Variants in GSK3B observed in about 807,000 individuals in gnomAD.
The protein encoded by GSK3B is glycogen synthase kinase 3 beta.
A neutral mutation model predicts 56.4 loss-of-function variants in GSK3B; 15 were observed. The observed-to-expected ratio is 0.27, with a 90% CI of 0.18 to 0.41. The LOEUF (loss-of-function observed/expected upper bound fraction) is 0.41, where lower values mean the gene tolerates loss of function less well. GSK3B is among the 10% of genes least tolerant of loss of function. The pLI is 1.00. For missense variants in GSK3B, 300 were observed against 513.4 expected (o/e 0.58, Z 4.02); for synonymous variants, 181 against 188.9 (o/e 0.96, Z 0.34).
intron 2 of GSK3B, among the ~76,000 whole-genome samples, chr3:119,949,519 G>A (rs1018703269): frequency 6.6e-6 from 1 of 152,114 alleles, no homozygotes; most frequent in East Asian, 1.9e-4. Context: ...ATCATTCTGA[G>A]TAAGGAGAGA....
intron 7 of GSK3B, among the ~76,000 whole-genome samples, chr3:119,898,001 A>G (rs1197783437): frequency 6.6e-6 from 1 of 152,124 alleles, no homozygotes; most frequent in Non-Finnish European, 1.5e-5. Context: ...ATGGGGTCAT[A>G]TCATGGCAAA....
chr3:119,956,413 A>C (rs1405248062), intron 2 of GSK3B, among the ~76,000 whole-genome samples: 2 of 152,224 alleles, frequency 1.3e-5, no homozygotes, highest in African/African-American at 4.8e-5. Flanking sequence ...GCTTGGGACC[A>C]AAAGTGTTTC....
At chr3:119,892,433 T>C (rs978212178) in intron 7 of GSK3B, among the ~76,000 whole-genome samples, 5 of 152,222 alleles carry the variant, frequency 3.3e-5, no homozygotes, top group Admixed American at 6.5e-5. Context: ...CATGTTTCAA[T>C]ATTCAGCTCA....
intron 4 of GSK3B, among the ~76,000 whole-genome samples, chr3:119,917,934 A>G (rs2056797966): frequency 1.3e-5 from 2 of 152,104 alleles, no homozygotes; most frequent in Non-Finnish European, 2.9e-5. Flanking sequence ...TGGGCTGGGC[A>G]CTGTTCTAAC....
rs2107984968 is a variant in GSK3B, at chr3:119,821,581, G to A, written c.*5207C>T. 1 of 152,286 alleles carries A rather than the reference G, an allele frequency of 6.6e-6. No homozygotes were observed. The allele number at this position is 152,286 out of a possible 1,614,324, so 9.4% of individuals were successfully genotyped here. ...AGACCCCCAAAGACCATTACTAATA[G>A]GATGAAAGTTAAAAGAAAATACAGC... On this transcript the variant is annotated 3_prime_UTR_variant, in exon 11 of 11. Transcript: ENST00000264235.
At chr3:120,012,621 T>C (rs1417899915) in intron 1 of GSK3B, among the ~76,000 whole-genome samples, 1 of 152,176 alleles carries the variant, frequency 6.6e-6, no homozygotes, top group Non-Finnish European at 1.5e-5. Context: ...CATGACGCAA[T>C]GAAAAGACGG....
chr3:120,059,885 C>T (rs1306241113), intron 1 of GSK3B, among the ~76,000 whole-genome samples: 3 of 152,232 alleles, frequency 2.0e-5, no homozygotes, highest in Non-Finnish European at 2.9e-5. Context: ...TAACCTTCTT[C>T]TGTAAACACT....
intron 9 of GSK3B, among the ~76,000 whole-genome samples, chr3:119,851,634 A>T (rs1046666511): frequency 1.3e-5 from 2 of 152,208 alleles, no homozygotes; most frequent in African/African-American, 4.8e-5. Flanking sequence ...GTCATTATAT[A>T]AAAGGGAATC....
intron 10 of GSK3B, among the ~76,000 whole-genome samples, chr3:119,833,690 G>GTTTTTT (rs902919136): frequency 2.0e-4 from 15 of 75,788 alleles, no homozygotes; most frequent in African/African-American, 6.2e-4. Context: ...ACATTAGGTT[G>GTTTTTT]TTTTTTTTTT....
Position 119,822,534 on chromosome 3 carries a change from G to T in GSK3B, c.*4254C>A. 4.4e-6 allele frequency: 1 copy of T among 227,106 alleles called. No homozygotes were observed. Among genetic ancestry groups the T allele is most frequent in the Non-Finnish European group, 8.7e-6 (1 of 114,316 alleles). 14.1% of individuals were successfully genotyped at this position (227,106 alleles called of 1,614,324 possible). On this transcript the variant is annotated 3_prime_UTR_variant, in exon 11 of 11. Coordinates refer to ENST00000264235, the MANE Select transcript of GSK3B (RefSeq NM_001146156.2). The stretch of plus-strand genomic sequence containing the variant: ...TGCTTTTATTGCAGAGGTGCAAAAC[G>T]GAGCAACAAACTTGAATAAAACGGC...
chr3:119,930,354 C>T (rs1303282379), intron 3 of GSK3B, among the ~76,000 whole-genome samples: 2 of 151,708 alleles, frequency 1.3e-5, no homozygotes, highest in Non-Finnish European at 2.9e-5. Context: ...CAATAAGGGG[C>T]AACAGTTGGT....
intron 1 of GSK3B, among the ~76,000 whole-genome samples, chr3:120,057,400 C>G (rs1024888443): frequency 6.6e-6 from 1 of 152,166 alleles, no homozygotes; most frequent in South Asian, 2.1e-4. Context: ...AACCAACCAA[C>G]TCTATCCTAA....
At chr3:119,963,808 T>C (rs1470689244) in intron 2 of GSK3B, among the ~76,000 whole-genome samples, 1 of 152,096 alleles carries the variant, frequency 6.6e-6, no homozygotes, top group Admixed American at 6.6e-5. Context: ...AAAACCTGGA[T>C]ACCCATATCC....
chr3:119,928,626 A>T (rs2056912423), intron 3 of GSK3B, among the ~76,000 whole-genome samples: 1 of 150,424 alleles, frequency 6.6e-6, no homozygotes, highest in African/African-American at 2.4e-5. Context: ...AAAAAAAAAA[A>T]AAAAAAAAAG....
At chr3:119,912,522 C>T (rs891477075) in intron 6 of GSK3B, among the ~76,000 whole-genome samples, 182 bp downstream of exon 6, 3 of 151,302 alleles carry the variant, frequency 2.0e-5, no homozygotes, top group African/African-American at 7.3e-5. Flanking sequence ...AAAAGCAGTG[C>T]CTGGAAAGTA....
intron 10 of GSK3B, among the ~76,000 whole-genome samples, chr3:119,838,791 A>G (rs562617106): frequency 2.0e-4 from 30 of 152,320 alleles, no homozygotes; most frequent in Admixed American, 4.6e-4. Flanking sequence ...CCCTCTCTGT[A>G]TATGATAGCC....
chr3:120,074,620 G>A (rs771485168), intron 1 of GSK3B, among the ~76,000 whole-genome samples: 2 of 152,024 alleles, frequency 1.3e-5, no homozygotes, highest in Non-Finnish European at 2.9e-5. Context: ...CCAGCGCTGA[G>A]AAACTGTTAC....
chr3:119,874,535 A>AAAT (rs1446174197), intron 8 of GSK3B, among the ~76,000 whole-genome samples: 5 of 151,644 alleles, frequency 3.3e-5, no homozygotes, highest in South Asian at 2.1e-4. Context: ...AGTCTTGATA[A>AAAT]AATAATAATA....
At chr3:119,898,210 G>A (rs2056589671) in intron 7 of GSK3B, among the ~76,000 whole-genome samples, 1 of 152,044 alleles carries the variant, frequency 6.6e-6, no homozygotes, top group African/African-American at 2.4e-5. Context: ...ATTAAATATT[G>A]TCTTAAAAAT....
Sources: gnomAD v4.1 joint callset for allele counts (sites outside exome capture counted in the v4.1 genomes callset) on GRCh38, gnomAD v4.1.1 for gene constraint, MANE v1.5 for transcripts, NCBI Gene and HGNC (gene_info 2026-07-23, HGNC 2026-07-21) for gene names.